Variants in ADAMTS3 observed in about 807,000 individuals in gnomAD.
ADAMTS3 encodes ADAM metallopeptidase with thrombospondin type 1 motif 3.
ADAMTS3 carries 73 observed loss-of-function variants against 129.0 expected under a neutral mutation model. That is an observed-to-expected ratio of 0.57 (90% CI 0.47 to 0.69). ADAMTS3 has a LOEUF of 0.69. Ranked by LOEUF, ADAMTS3 falls within the 30% of genes least tolerant of loss-of-function variation. The pLI is 0.00. For missense variants in ADAMTS3, 1,457 were observed against 1,514.5 expected, an observed-to-expected ratio of 0.96 and a Z score of 0.63; for synonymous variants, 477 against 510.8, an observed-to-expected ratio of 0.93 and a Z score of 0.89.
intron 2 of ADAMTS3, among the ~76,000 whole-genome samples, chr4:72,561,139 T>C (rs550192570): frequency 6.6e-6 from 1 of 151,942 alleles, no homozygotes; most frequent in African/African-American, 2.4e-5. Context: ...GATCACAAGG[T>C]CAGGAGTTCA....
At chr4:72,532,121 T>C (rs1721060011) in intron 3 of ADAMTS3, among the ~76,000 whole-genome samples, 1 of 151,708 alleles carries the variant, frequency 6.6e-6, no homozygotes, top group Non-Finnish European at 1.5e-5. Context: ...CAGTATCCAG[T>C]ACCATTGCAC....
At position 72,282,875 on chromosome 4, in the gene ADAMTS3, C is replaced by T. The variant is rs181795885; in HGVS notation, c.*261G>A. The T allele has an allele frequency of 8.9e-5, 26 of 291,556 alleles. No individual in the cohort carries two copies. Among genetic ancestry groups the T allele is most frequent in the African/African-American group, 4.8e-4 (22 of 46,166 alleles). The allele number at this position is 291,556 out of a possible 1,614,324, so 18.1% of individuals were successfully genotyped here. A position where few individuals can be genotyped will look rare whatever the true frequency, so the allele number is the denominator to read the frequency against. On this transcript the variant is annotated 3_prime_UTR_variant, in exon 22 of 22. Coordinates refer to ENST00000286657, the MANE Select transcript of ADAMTS3 (RefSeq NM_014243.3). ...TCCCTTTTCTGCTTCAGAGAGCGACCAACACAATCTTAGCAACATATTTTT... is the reference window on the plus strand; with the variant it reads ...TCCCTTTTCTGCTTCAGAGAGCGACTAACACAATCTTAGCAACATATTTTT...
intron 3 of ADAMTS3, among the ~76,000 whole-genome samples, chr4:72,478,169 G>A (rs1435286003): frequency 3.9e-5 from 6 of 152,126 alleles, no homozygotes; most frequent in Admixed American, 2.6e-4. Context: ...AGAAAAAGAG[G>A]GAATCTTCTC....
At chr4:72,455,593 G>A (rs1371741596) in intron 3 of ADAMTS3, among the ~76,000 whole-genome samples, 2 of 142,604 alleles carry the variant, frequency 1.4e-5, no homozygotes, top group South Asian at 2.2e-4. Flanking sequence ...TGCACATTCT[G>A]CACATGTATC....
chr4:72,318,099 G>T (rs1295508661), intron 10 of ADAMTS3, among the ~76,000 whole-genome samples: 1 of 151,514 alleles, frequency 6.6e-6, no homozygotes, highest in Non-Finnish European at 1.5e-5. Flanking sequence ...TATGCCATAT[G>T]ATTCTTTTAC....
At chr4:72,471,870 T>C (rs1272285111) in intron 3 of ADAMTS3, among the ~76,000 whole-genome samples, 1 of 152,072 alleles carries the variant, frequency 6.6e-6, no homozygotes, top group African/African-American at 2.4e-5. Context: ...CAAAATCTCT[T>C]TGAGGTCTTA....
chr4:72,477,449 C>A (rs560622141), intron 3 of ADAMTS3, among the ~76,000 whole-genome samples: 1 of 151,876 alleles, frequency 6.6e-6, no homozygotes, highest in African/African-American at 2.4e-5. Flanking sequence ...CTACTGGGTA[C>A]GTAACGAAAT....
At chr4:72,423,827 T>C (rs1722505073) in intron 3 of ADAMTS3, among the ~76,000 whole-genome samples, 1 of 152,062 alleles carries the variant, frequency 6.6e-6, no homozygotes, top group Admixed American at 6.6e-5. Context: ...TCTCTCTACT[T>C]AAATAAAAGA....
intron 3 of ADAMTS3, among the ~76,000 whole-genome samples, chr4:72,524,184 A>C (rs1720746703): frequency 6.6e-6 from 1 of 152,138 alleles, no homozygotes; most frequent in Non-Finnish European, 1.5e-5. Context: ...TTTCAGGAAT[A>C]ACTAAAAAGG....
At chr4:72,348,860 C>A (rs946723376) in intron 4 of ADAMTS3, among the ~76,000 whole-genome samples, 1 of 151,652 alleles carries the variant, frequency 6.6e-6, no homozygotes, top group African/African-American at 2.4e-5. Flanking sequence ...AAAACAAGGA[C>A]CTGAATTCTG....
At chr4:72,290,197 C>T (rs867957176) in intron 20 of ADAMTS3, among the ~76,000 whole-genome samples, 1 of 152,186 alleles carries the variant, frequency 6.6e-6, no homozygotes, top group African/African-American at 2.4e-5. Context: ...ACAAGGCATA[C>T]TATTTTTGAG....
intron 2 of ADAMTS3, among the ~76,000 whole-genome samples, chr4:72,552,068 A>G (rs1414875466): frequency 6.6e-6 from 1 of 152,248 alleles, no homozygotes; most frequent in Non-Finnish European, 1.5e-5. Context: ...CTCAGATTAC[A>G]ATCACAGAAG....
In ADAMTS3 at chr4:72,300,664, T is replaced by C. The variant is rs1294520589; in HGVS notation, c.2425-2222A>G. Reference sequence around the variant, plus strand: ...CTGGACATTGTGATGGTTTAAGAAATGTAGATACATTAGGTAAAAAAGGAC... The same window carrying C: ...CTGGACATTGTGATGGTTTAAGAAACGTAGATACATTAGGTAAAAAAGGAC... On this transcript the variant is annotated intron_variant, in intron 17 of 21. Coordinates refer to ENST00000286657, the MANE Select transcript of ADAMTS3 (RefSeq NM_014243.3). Among the ~76,000 whole-genome samples, 5 of 152,128 alleles carry C rather than the reference T, an allele frequency of 3.3e-5. No individual in the cohort carries two copies. The East Asian group carries it at 7.7e-4, about 23-fold the overall frequency.
chr4:72,566,785 C>T (rs1722029339), intron 2 of ADAMTS3, among the ~76,000 whole-genome samples: 1 of 33,686 alleles, frequency 3.0e-5, no homozygotes, highest in African/African-American at 7.0e-5. Context: ...TCTCCTCACC[C>T]ATAAAATGGG....
intron 3 of ADAMTS3, among the ~76,000 whole-genome samples, chr4:72,528,052 G>A (rs1370635934): frequency 6.6e-6 from 1 of 152,092 alleles, no homozygotes; most frequent in African/African-American, 2.4e-5. Context: ...GGAGAAACAG[G>A]ACATTAAACA....
At chr4:72,337,878 T>C (rs1036339410) in intron 5 of ADAMTS3, among the ~76,000 whole-genome samples, 2 of 152,170 alleles carry the variant, frequency 1.3e-5, no homozygotes, top group African/African-American at 4.8e-5. Context: ...TCAAAATCTC[T>C]ATTGCATTAC....
chr4:72,436,216 A>G (rs570202994), intron 3 of ADAMTS3, among the ~76,000 whole-genome samples: 1 of 152,188 alleles, frequency 6.6e-6, no homozygotes, highest in Non-Finnish European at 1.5e-5. Context: ...ACACTTCTCA[A>G]AAGAAGATAT....
At chr4:72,354,296 C>T (rs1720519040) in intron 4 of ADAMTS3, among the ~76,000 whole-genome samples, 1 of 152,018 alleles carries the variant, frequency 6.6e-6, no homozygotes, top group Non-Finnish European at 1.5e-5. Flanking sequence ...AAGCTTCAGT[C>T]AGTATAGCTG....
intron 4 of ADAMTS3, among the ~76,000 whole-genome samples, chr4:72,364,911 A>G (rs906614323): frequency 1.3e-5 from 2 of 152,086 alleles, no homozygotes; most frequent in African/African-American, 4.8e-5. Flanking sequence ...AAAATATAGC[A>G]CTATATAAGT....
Sources: allele counts gnomAD v4.1 joint callset (sites outside exome capture counted in the v4.1 genomes callset), GRCh38; gene constraint gnomAD v4.1.1; transcripts MANE v1.5; gene names NCBI Gene and HGNC (gene_info 2026-07-23, HGNC 2026-07-21).